The following NLRC5 variants were observed in gnomAD, a reference collection of about 807,000 sequenced individuals.
NLRC5 encodes NLR family CARD domain containing 5, also known as protein NLRC5.
A neutral mutation model predicts 206.9 loss-of-function variants in NLRC5; 114 were observed. The observed-to-expected ratio is 0.55, with a 90% CI of 0.47 to 0.64. NLRC5 has a LOEUF of 0.64. NLRC5 is among the 30% of genes least tolerant of loss of function. NLRC5 has a pLI of 0.00. For synonymous variants in NLRC5, 952 were observed against 962.8 expected (o/e 0.99, Z 0.21); for missense variants, 2,008 against 2,305.5 (o/e 0.87, Z 2.64).
At chr16:56,999,792 G>C (rs1463555865) in intron 1 of NLRC5, among the ~76,000 whole-genome samples, 1 of 152,208 alleles carries the variant, frequency 6.6e-6, no homozygotes, top group African/African-American at 2.4e-5. Context: ...GGGGCTCTCA[G>C]AGGACAAGAA....
intron 43 of NLRC5, 149 bp from the exon 44 acceptor site, chr16:57,078,901 G>T: frequency 1.4e-6 from 1 of 695,692 alleles, no homozygotes; most frequent in Non-Finnish European, 2.5e-6. Flanking sequence ...CCAAAGCCAG[G>T]GTCCTTGATA....
intron 48 of NLRC5, 73 bp from the exon 49 acceptor site, chr16:57,082,344 G>C: frequency 8.0e-7 from 1 of 1,249,468 alleles, no homozygotes; most frequent in Non-Finnish European, 1.1e-6. Flanking sequence ...TTGGGCCTCA[G>C]CCTCCCAATC....
At chr16:57,077,630 C>A (rs868837264) in intron 41 of NLRC5, 89 bp from the exon 42 acceptor site, 25 of 1,348,730 alleles carry the variant, frequency 1.9e-5, no homozygotes, top group Middle Eastern at 1.9e-4. Flanking sequence ...CTTAGGCCCC[C>A]TGAAGCAGGG....
At position 57,079,445 on chromosome 16, in the gene NLRC5, G is replaced by A. The variant is rs1006272117; in HGVS notation, c.5238-101G>A. Reference sequence around the variant, plus strand: ...CAAGAAAGGAAGTCTTTCCTAAAACGCCTAGCTTACCCCAGACCCTGGTGG... The same window carrying A: ...CAAGAAAGGAAGTCTTTCCTAAAACACCTAGCTTACCCCAGACCCTGGTGG... On this transcript the variant is annotated intron_variant, in intron 45 of 48. Transcript: ENST00000688547. The A allele has an allele frequency of 6.8e-5, 93 of 1,371,312 alleles. No homozygotes were observed. The South Asian group carries it at 8.4e-4, about 12-fold the overall frequency. The allele number at this position is 1,371,312 out of a possible 1,614,324, so 84.9% of individuals were successfully genotyped here. A position where few individuals can be genotyped will look rare whatever the true frequency, so the allele number is the denominator to read the frequency against.
rs1342938255 is a variant in NLRC5, at chr16:57,025,690, T to C, written c.747T>C (p.His249=). ...HRLCQKWAEG[H]LNCFQALFLF... Reference sequence around the variant, plus strand: ...TCTGCCAGAAGTGGGCAGAGGGCCATCTGAACTGTTTCCAGGCCCTGTTCC... The same window carrying C: ...TCTGCCAGAAGTGGGCAGAGGGCCACCTGAACTGTTTCCAGGCCCTGTTCC... The change falls in exon 6 of 49, where the codon CAT becomes CAC. Residue 249 remains histidine, a synonymous_variant. Coordinates refer to ENST00000688547, the MANE Select transcript of NLRC5 (RefSeq NM_001384950.1). The C allele has an allele frequency of 6.2e-7, 1 of 1,614,216 alleles. No individual in the cohort carries two copies. Among genetic ancestry groups the C allele is most frequent in the Non-Finnish European group, 8.5e-7 (1 of 1,180,044 alleles).
intron 18 of NLRC5, 141 bp from the exon 19 acceptor site, chr16:57,041,841 C>A (rs2063323236): frequency 3.0e-6 from 2 of 660,326 alleles, no homozygotes; most frequent in Non-Finnish European, 2.6e-6. Context: ...GCTGCCCGTG[C>A]CAGATCTGCT....
At chr16:57,033,957 A>G (rs1236199694) in intron 12 of NLRC5, among the ~76,000 whole-genome samples, 1 of 152,232 alleles carries the variant, frequency 6.6e-6, no homozygotes, top group East Asian at 1.9e-4. Context: ...ATCTCTGTGA[A>G]GTACACATTA....
In NLRC5 at chr16:57,026,338, G is replaced by C. The variant is rs749799828; in HGVS notation, c.1395G>C (p.Leu465=). ...SSLLDLGEVA[L]RGLETGKVIF... ...TACTGGACCTGGGGGAGGTGGCCCT[G>C]AGGGGCCTGGAGACAGGGAAGGTTA... The change falls in exon 6 of 49, where the codon CTG becomes CTC. Residue 465 remains leucine (L), a synonymous_variant. Coordinates refer to ENST00000688547, the MANE Select transcript of NLRC5 (RefSeq NM_001384950.1). 6.2e-6 allele frequency: 10 copies of C among 1,613,986 alleles called. No individual in the cohort carries two copies. The highest frequency in any genetic ancestry group is 4.5e-5 in the East Asian group (2 of 44,886).
chr16:56,996,552 G>T (rs1371173720), intron 1 of NLRC5, among the ~76,000 whole-genome samples: 1 of 152,144 alleles, frequency 6.6e-6, no homozygotes, highest in Non-Finnish European at 1.5e-5. Context: ...AAAGTTAAAA[G>T]TGACATGGTT....
In NLRC5 at chr16:57,040,732, C is replaced by G. The variant is rs141710025; in HGVS notation, c.2939+14C>G. 3.7e-6 allele frequency: 6 copies of G among 1,611,774 alleles called. No individual in the cohort carries two copies. The African/African-American group carries it at 6.7e-5, about 18-fold the overall frequency. ...CCGAAGGATGAGGTACAGTGATGGC[C>G]TCCAGCCCTGTGTGTGATTCCAGCC... On this transcript the variant is annotated intron_variant, in intron 17 of 48. Coordinates refer to ENST00000688547, the MANE Select transcript of NLRC5 (RefSeq NM_001384950.1).
intron 38 of NLRC5, among the ~76,000 whole-genome samples, chr16:57,071,361 G>A: frequency 6.8e-6 from 1 of 147,948 alleles, no homozygotes; most frequent in East Asian, 2.1e-4. Context: ...GGTGGTTAAT[G>A]GGGAAGGGGG....
Position 57,005,267 on chromosome 16 carries a change from C to T in NLRC5, c.-127-11807C>T, listed in dbSNP as rs141369529. Among the ~76,000 whole-genome samples, 72 of 152,176 alleles carry T rather than the reference C, an allele frequency of 4.7e-4. No individual in the cohort carries two copies. The East Asian group carries it at 0.014, about 29-fold the overall frequency. On this transcript the variant is annotated intron_variant, in intron 1 of 48. Coordinates refer to ENST00000688547, the MANE Select transcript of NLRC5 (RefSeq NM_001384950.1). The stretch of plus-strand genomic sequence containing the variant: ...TATCGTGAACCTTGTAATTCATATG[C>T]AATATAAAAACTACTAGCTATGCAT...
chr16:57,045,622 G>T, intron 21 of NLRC5, 130 bp downstream of exon 21: 1 of 760,978 alleles, frequency 1.3e-6, no homozygotes, highest in African/African-American at 1.7e-5. Context: ...CGGCACACTA[G>T]GTTTAATCAC....
At chr16:57,027,296 G>A (rs1484030355) in intron 6 of NLRC5, among the ~76,000 whole-genome samples, 2 of 152,130 alleles carry the variant, frequency 1.3e-5, no homozygotes, top group African/African-American at 4.8e-5. Context: ...GTGGACTTTG[G>A]GCAAGTATAT....
chr16:57,026,977 C>T lies in NLRC5; in HGVS notation c.2034C>T (p.Cys678=), dbSNP rs1049053649. Residue 678 remains cysteine (C), a synonymous_variant, in exon 6 of 49, where the codon TGC becomes TGT. Coordinates refer to ENST00000688547, the MANE Select transcript of NLRC5 (RefSeq NM_001384950.1). ...DFDGCPLEPH[C]PEALVGCGQI... ...ATGGCTGTCCCCTGGAGCCCCACTG[C>T]CCTGAGGCTCTGGTAGGCTGTGGGC... is the stretch of plus-strand genomic sequence containing the variant. The T allele has an allele frequency of 1.9e-6, 3 of 1,614,006 alleles. No homozygotes were observed. Among genetic ancestry groups the T allele is most frequent in the African/African-American group, 2.7e-5 (2 of 74,916 alleles).
intron 1 of NLRC5, among the ~76,000 whole-genome samples, chr16:56,998,882 G>A (rs183867337): frequency 1.5e-4 from 23 of 152,332 alleles, no homozygotes; most frequent in African/African-American, 5.1e-4. Flanking sequence ...TTTAAAGACC[G>A]CTGCTGGAAT....
At chr16:57,030,438 A>AGATGGATGGATGGGTGGATGGAAGGATG (rs765082342) in intron 10 of NLRC5, among the ~76,000 whole-genome samples, 1 of 89,542 alleles carries the variant, frequency 1.1e-5, no homozygotes, top group Non-Finnish European at 2.3e-5. Context: ...GTGGATGAAA[A>AGATGGATGGATGGGTGGATGGAAGGATG]GATGGATGGA....
At chr16:57,059,428 G>T (rs777576939) in intron 29 of NLRC5, 39 bp from the exon 30 acceptor site, 1 of 1,578,510 alleles carries the variant, frequency 6.3e-7, no homozygotes, top group Non-Finnish European at 8.6e-7. Context: ...AAGCTGGCAT[G>T]TCTGGGCACC....
chr16:57,033,554 C>T (rs746999244), intron 11 of NLRC5, 50 bp from the exon 12 acceptor site: 4 of 1,581,138 alleles, frequency 2.5e-6, no homozygotes, highest in Non-Finnish European at 3.5e-6. Context: ...CTTGATCCAC[C>T]AGGCCCTAGA....
Sources: gnomAD v4.1 joint callset for allele counts (sites outside exome capture counted in the v4.1 genomes callset) on GRCh38, gnomAD v4.1.1 for gene constraint, MANE v1.5 for transcripts, NCBI Gene and HGNC (gene_info 2026-07-23, HGNC 2026-07-21) for gene names.